Variants in FBN2 observed in about 807,000 individuals in gnomAD.
FBN2 encodes fibrillin 2.
A neutral mutation model predicts 355.6 loss-of-function variants in FBN2; 105 were observed. The ratio of observed to expected loss-of-function variants is 0.30; its 90% CI spans 0.25 to 0.35. The LOEUF (loss-of-function observed/expected upper bound fraction) is 0.35. Ranked by LOEUF, FBN2 falls within the 10% of genes least tolerant of loss-of-function variation. The pLI is 1.00. For synonymous variants in FBN2, 1,350 were observed against 1,301.2 expected (o/e 1.04, Z -0.81); for missense variants, 3,280 against 3,758.7 (o/e 0.87, Z 3.33).
intron 20 of FBN2, among the ~76,000 whole-genome samples, chr5:128,351,347 G>C (rs994666380): frequency 6.6e-6 from 1 of 152,120 alleles, no homozygotes; most frequent in Non-Finnish European, 1.5e-5. Flanking sequence ...AGAAGTTCAA[G>C]ACCAGCCTGG....
At chr5:128,376,593 C>T (rs1752083078) in intron 14 of FBN2, 138 bp downstream of exon 14, 3 of 1,006,448 alleles carry the variant, frequency 3.0e-6, no homozygotes, top group East Asian at 2.4e-5. Context: ...GCTTTAGACA[C>T]CTGCCTTAGT....
chr5:128,320,057 C>A (rs1305266295), intron 34 of FBN2, among the ~76,000 whole-genome samples: 1 of 152,136 alleles, frequency 6.6e-6, no homozygotes, highest in Non-Finnish European at 1.5e-5. Context: ...TGGTTCCAAT[C>A]ATGTTTAAAG....
chr5:128,494,310 A>T (rs1193941725), intron 5 of FBN2, among the ~76,000 whole-genome samples: 1 of 152,204 alleles, frequency 6.6e-6, no homozygotes, highest in Non-Finnish European at 1.5e-5. Flanking sequence ...GGGAAGTTCA[A>T]ATCTGAAAGT....
intron 19 of FBN2, among the ~76,000 whole-genome samples, chr5:128,360,281 T>TA (rs1751606273): frequency 6.6e-6 from 1 of 152,102 alleles, no homozygotes; most frequent in Non-Finnish European, 1.5e-5. Flanking sequence ...GAATTGGTGT[T>TA]AGAGATGGGA....
At position 128,369,269 on chromosome 5, in the gene FBN2, C is replaced by T. The variant is rs149733159; in HGVS notation, c.2161G>A (p.Gly721Ser). The T allele has an allele frequency of 9.5e-5, 154 of 1,613,908 alleles. No homozygotes were observed. Among genetic ancestry groups the T allele is most frequent in the Non-Finnish European group, 1.2e-4 (143 of 1,179,998 alleles). ...KKGVCVRPFP[G>S]AVTKSECCCA... ...CAGCATTCGGACTTGGTCACTGCAC[C>T]GGGGAAAGGACGCACACACACTCCT... Residue 721 changes from glycine to serine, a missense_variant, in exon 16 of 65, where the codon GGT (glycine) becomes AGT (serine). By Grantham distance (56) the Gly-to-Ser change is moderately conservative (BLOSUM62 0). This residue lies in a region of FBN2 where 2,284 missense variants were observed against 2,749.5 expected (regional missense o/e 0.83). Transcript: ENST00000262464.
intron 51 of FBN2, 118 bp from the exon 52 acceptor site, chr5:128,289,370 G>A: frequency 9.9e-7 from 1 of 1,005,934 alleles, no homozygotes; most frequent in Non-Finnish European, 1.6e-6. Flanking sequence ...GATCACCTGA[G>A]GTCAGGAGCT....
At chr5:128,364,061 G>C (rs1751706393) in intron 18 of FBN2, among the ~76,000 whole-genome samples, 1 of 152,088 alleles carries the variant, frequency 6.6e-6, no homozygotes, top group African/African-American at 2.4e-5. Context: ...GCACTAATAG[G>C]AAATAAGACT....
intron 5 of FBN2, among the ~76,000 whole-genome samples, chr5:128,472,755 C>T (rs935719403): frequency 5.3e-5 from 8 of 151,006 alleles, no homozygotes; most frequent in Non-Finnish European, 1.0e-4. Context: ...CGCGCCATTG[C>T]ACTCCAGCCT....
chr5:128,369,421 C>T (rs1364630331), intron 15 of FBN2, 87 bp from the exon 16 acceptor site: 2 of 1,356,092 alleles, frequency 1.5e-6, no homozygotes, highest in Non-Finnish European at 2.1e-6. Flanking sequence ...CCTAAGTGGC[C>T]ACTAGACTGG....
chr5:128,267,023 G>T, intron 62 of FBN2, among the ~76,000 whole-genome samples: 1 of 146,238 alleles, frequency 6.8e-6, no homozygotes, highest in African/African-American at 2.6e-5. Flanking sequence ...TCCTTTCCCT[G>T]CGTCTATGTG....
At chr5:128,319,488 TTAAA>T (rs1750308184) in intron 34 of FBN2, among the ~76,000 whole-genome samples, 1 of 150,718 alleles carries the variant, frequency 6.6e-6, no homozygotes, top group Non-Finnish European at 1.5e-5. Flanking sequence ...ATTTAGTTAA[TTAAA>T]TAAATTTAGT....
chr5:128,516,990 T>C (rs1175784119), intron 5 of FBN2, among the ~76,000 whole-genome samples: 3 of 152,100 alleles, frequency 2.0e-5, no homozygotes, highest in Admixed American at 6.6e-5. Context: ...ATCTGAAGAG[T>C]AGTAAGTAAT....
rs779527082 is a variant in FBN2, at chr5:128,259,417, G to C, written c.*38C>G. 2 of 1,611,214 alleles carry C rather than the reference G, an allele frequency of 1.2e-6. 1 individual carries two copies. The highest frequency in any genetic ancestry group is 1.7e-6 in the Non-Finnish European group (2 of 1,178,990). On this transcript the variant is annotated 3_prime_UTR_variant, in exon 65 of 65. Coordinates refer to ENST00000262464, the MANE Select transcript of FBN2 (RefSeq NM_001999.4). ...TTTCAAATGCTTCTGCAGACTGGCTGTGCTAGGATTTGAGCCTGGGCCCAA... is the reference window on the plus strand; with the variant it reads ...TTTCAAATGCTTCTGCAGACTGGCTCTGCTAGGATTTGAGCCTGGGCCCAA...
chr5:128,274,757 G>C (rs1765347479), intron 59 of FBN2, 74 bp from the exon 60 acceptor site: 3 of 908,736 alleles, frequency 3.3e-6, no homozygotes, highest in Non-Finnish European at 5.6e-6. Flanking sequence ...GAAGCCACAG[G>C]AGATGCACAT....
At position 128,328,760 on chromosome 5, in the gene FBN2, C is replaced by T. The variant is rs546172367; in HGVS notation, c.4407G>A (p.Pro1469=). The change falls in exon 34 of 65, where the codon CCG becomes CCA. Residue 1469 remains proline (P), a synonymous_variant. Transcript: ENST00000262464. ...TCTCACACTCGCAGCGATATGCACC[C>T]GGGACATTAAGGCACTGTCCGTTCT... ...LCENGQCLNV[P]GAYRCECEMG... 44 of 1,614,034 alleles carry T rather than the reference C, an allele frequency of 2.7e-5. No homozygotes were observed. Among genetic ancestry groups the T allele is most frequent in the Non-Finnish European group, 3.2e-5 (38 of 1,179,942 alleles).
intron 5 of FBN2, among the ~76,000 whole-genome samples, chr5:128,512,114 A>C (rs916089279): frequency 6.6e-6 from 1 of 152,188 alleles, no homozygotes; most frequent in Non-Finnish European, 1.5e-5. Flanking sequence ...CCGTTACCAA[A>C]AATCCCACAA....
intron 22 of FBN2, 79 bp from the exon 23 acceptor site, chr5:128,349,551 C>T: frequency 6.8e-7 from 1 of 1,474,158 alleles, no homozygotes; most frequent in South Asian, 1.2e-5. Flanking sequence ...TCCTGTATAG[C>T]ATTTTCAATC....
chr5:128,283,451 A>G (rs1749041400), intron 55 of FBN2, among the ~76,000 whole-genome samples: 2 of 152,192 alleles, frequency 1.3e-5, no homozygotes, highest in Admixed American at 1.3e-4. Flanking sequence ...AGCATCATAC[A>G]AAAGCGGCCA....
intron 6 of FBN2, among the ~76,000 whole-genome samples, chr5:128,451,457 TG>T (rs1254996460): frequency 2.0e-5 from 3 of 152,288 alleles, no homozygotes; most frequent in South Asian, 2.1e-4. Flanking sequence ...TGGAGTGCAA[TG>T]GTGCGATCTC....
Sources: gnomAD v4.1 joint callset for allele counts (sites outside exome capture counted in the v4.1 genomes callset) on GRCh38, gnomAD v4.1.1 for gene constraint, gnomAD v4.1.1 regional missense constraint, MANE v1.5 for transcripts, NCBI Gene and HGNC (gene_info 2026-07-23, HGNC 2026-07-21) for gene names.